HADHB: variants seen among roughly 807,000 people sequenced by gnomAD.
HADHB encodes the protein trifunctional enzyme subunit beta, mitochondrial.
Under a neutral mutation model 61.9 loss-of-function variants are expected in HADHB, and 50 were observed. The observed-to-expected ratio is 0.81, with a 90% CI of 0.64 to 1.02. The LOEUF (loss-of-function observed/expected upper bound fraction) is 1.02. Among genes scored for constraint, HADHB ranks in the 50% least tolerant of loss-of-function variants. HADHB has a pLI of 0.00. For missense variants in HADHB, 504 were observed against 586.5 expected (o/e 0.86, Z 1.45); for synonymous variants, 191 against 201.6 (o/e 0.95, Z 0.45).
At chr2:26,248,783 G>A (rs112233290) in intron 1 of HADHB, among the ~76,000 whole-genome samples, 26,189 of 152,188 alleles carry the variant, frequency 0.17, 2,730 homozygotes, top group Middle Eastern at 0.25. Flanking sequence ...AAGGCTGGGC[G>A]CAGTGGCTCA....
At position 26,284,143 on chromosome 2, in the gene HADHB, T is replaced by A. The variant is rs1672916660; in HGVS notation, c.1088T>A (p.Leu363Gln). 2 of 1,597,696 alleles carry A rather than the reference T, an allele frequency of 1.3e-6. No homozygotes were observed. Among genetic ancestry groups the A allele is most frequent in the Non-Finnish European group, 1.7e-6 (2 of 1,165,158 alleles). ...LGPTYATPKV[L>Q]EKAGLTMNDI... ...CCAACATATGCTACTCCAAAAGTTC[T>A]AGAAAAGGCAGGATTGACCATGAAT... Residue 363 changes from leucine (L) to glutamine (Q), a missense_variant, in exon 13 of 16, where the codon CTA becomes CAA. Physicochemically the swap from Leu to Gln is moderately radical, Grantham distance 113. Coordinates refer to ENST00000317799, the MANE Select transcript of HADHB (RefSeq NM_000183.3).
At chr2:26,262,892 A>T (rs930084928) in intron 3 of HADHB, among the ~76,000 whole-genome samples, 3 of 152,252 alleles carry the variant, frequency 2.0e-5, no homozygotes, top group African/African-American at 7.2e-5. Context: ...AGAAACTTAC[A>T]AATGCTAGTC....
At chr2:26,247,095 C>G (rs1306392509) in intron 1 of HADHB, among the ~76,000 whole-genome samples, 1 of 152,186 alleles carries the variant, frequency 6.6e-6, no homozygotes, top group Non-Finnish European at 1.5e-5. Flanking sequence ...TAATAATGAG[C>G]TGTTAGAGCC....
At chr2:26,266,835 C>A (rs1301970971) in intron 4 of HADHB, among the ~76,000 whole-genome samples, 1 of 128,430 alleles carries the variant, frequency 7.8e-6, no homozygotes, top group Non-Finnish European at 1.6e-5. Flanking sequence ...GCACTCCAGC[C>A]CTCCAGCCTT....
rs568348482 is a variant in HADHB at position 26,256,670 on chromosome 2, G to A, written c.109+2196G>A. Among the ~76,000 whole-genome samples the A allele has an allele frequency of 2.0e-5, 3 of 152,218 alleles. No individual in the cohort carries two copies. In the East Asian group the frequency reaches 5.8e-4, roughly 29 times the overall value. ...CCATTGAATTGTAGGTTTTGGAGTTGGTTAGAGCCTTTGAGGTCATCTAGT... is the reference window on the plus strand; with the variant it reads ...CCATTGAATTGTAGGTTTTGGAGTTAGTTAGAGCCTTTGAGGTCATCTAGT... On this transcript the variant is annotated intron_variant, in intron 3 of 15. Transcript: ENST00000317799.
chr2:26,271,988 T>C (rs771160018), intron 5 of HADHB, among the ~76,000 whole-genome samples: 5 of 152,326 alleles, frequency 3.3e-5, no homozygotes, highest in Non-Finnish European at 7.3e-5. Flanking sequence ...TGCTTGATCA[T>C]AGCTCACTGC....
chr2:26,260,044 A>G (rs1671795832), intron 3 of HADHB, among the ~76,000 whole-genome samples: 1 of 152,058 alleles, frequency 6.6e-6, no homozygotes, highest in Admixed American at 6.6e-5. Flanking sequence ...ATTTTATCTG[A>G]AAGTATATAA....
chr2:26,265,057 T>C (rs1672021133), intron 4 of HADHB, among the ~76,000 whole-genome samples: 1 of 152,084 alleles, frequency 6.6e-6, no homozygotes, highest in Admixed American at 6.6e-5. Flanking sequence ...TTATTCATCC[T>C]ATTTTATCAA....
chr2:26,246,091 G>T (rs1671144088), intron 1 of HADHB, among the ~76,000 whole-genome samples: 1 of 152,176 alleles, frequency 6.6e-6, no homozygotes, highest in Non-Finnish European at 1.5e-5. Context: ...AGCAGAAACT[G>T]GATGACCTGA....
intron 3 of HADHB, chr2:26,254,751 T>C (rs943012857): frequency 7.3e-6 from 3 of 411,806 alleles, no homozygotes; most frequent in Admixed American, 7.6e-5. Context: ...CGTTGGTCAG[T>C]TTATTTATCC....
rs2147820205 is a variant in HADHB at position 26,273,753 on chromosome 2, G to C, written c.354+3G>C. On this transcript the variant is annotated splice_donor_region_variant and intron_variant, in intron 6 of 15. Transcript: ENST00000317799. ...AAACAAGCAATGTGGCTAGAGAGGTGAGTAAAACAAACTTTATGTTGTTTA... is the reference window on the plus strand; with the variant it reads ...AAACAAGCAATGTGGCTAGAGAGGTCAGTAAAACAAACTTTATGTTGTTTA... 1 of 1,452,158 alleles carries C rather than the reference G, an allele frequency of 6.9e-7. No homozygotes were observed. Among genetic ancestry groups the C allele is most frequent in the East Asian group, 2.3e-5 (1 of 44,080 alleles). 90.0% of individuals were successfully genotyped at this position (1,452,158 alleles called of 1,614,324 possible).
intron 1 of HADHB, among the ~76,000 whole-genome samples, chr2:26,251,268 G>A (rs553153574): frequency 6.6e-6 from 1 of 151,936 alleles, no homozygotes; most frequent in Admixed American, 6.6e-5. Flanking sequence ...GCTCACTGCA[G>A]CCTCGAACTC....
chr2:26,268,101 C>T (rs1002772050), intron 4 of HADHB, among the ~76,000 whole-genome samples: 1 of 152,044 alleles, frequency 6.6e-6, no homozygotes, highest in African/African-American at 2.4e-5. Context: ...GTGATTGCAC[C>T]ACTGCATTCC....
chr2:26,245,277 T>G (rs1262091577), intron 1 of HADHB: 15 of 158,456 alleles, frequency 9.5e-5, no homozygotes, highest in Admixed American at 4.8e-4. Context: ...TGTGTGTGTG[T>G]GTGGGTGTGT....
chr2:26,268,217 A>AT (rs1281006801), intron 4 of HADHB, among the ~76,000 whole-genome samples: 1 of 152,242 alleles, frequency 6.6e-6, no homozygotes, highest in Non-Finnish European at 1.5e-5. Context: ...AGATCTACAA[A>AT]TGAATGCTAA....
chr2:26,268,280 C>A (rs1158139651), intron 4 of HADHB, among the ~76,000 whole-genome samples: 1 of 152,172 alleles, frequency 6.6e-6, no homozygotes, highest in Admixed American at 6.6e-5. Flanking sequence ...CTCAGAGAAT[C>A]TCCCCCAAAA....
At chr2:26,275,788 G>C (rs978244351) in intron 6 of HADHB, among the ~76,000 whole-genome samples, 2 of 152,156 alleles carry the variant, frequency 1.3e-5, no homozygotes, top group African/African-American at 4.8e-5. Flanking sequence ...ACACATTTCT[G>C]TTTCTATAGA....
intron 4 of HADHB, among the ~76,000 whole-genome samples, chr2:26,265,201 A>G (rs1672026289): frequency 6.6e-6 from 1 of 152,184 alleles, no homozygotes; most frequent in Non-Finnish European, 1.5e-5. Context: ...TAAAATAGAA[A>G]AAGTTCCATC....
chr2:26,252,885 A>C (rs1428733249), intron 1 of HADHB, among the ~76,000 whole-genome samples: 1 of 152,254 alleles, frequency 6.6e-6, no homozygotes, highest in Non-Finnish European at 1.5e-5. Flanking sequence ...ATAATTACCA[A>C]ATTGCCCTCC....
Sources: allele counts gnomAD v4.1 joint callset (sites outside exome capture counted in the v4.1 genomes callset), GRCh38; gene constraint gnomAD v4.1.1; transcripts MANE v1.5; gene names NCBI Gene and HGNC (gene_info 2026-07-23, HGNC 2026-07-21).